KIAA0319L: variants seen among roughly 807,000 people sequenced by gnomAD.
KIAA0319L encodes dyslexia-associated protein KIAA0319-like protein.
KIAA0319L carries 55 observed loss-of-function variants against 120.1 expected under a neutral mutation model. The observed-to-expected ratio is 0.46, with a 90% CI of 0.37 to 0.57. KIAA0319L has a LOEUF of 0.57. Ranked by LOEUF, KIAA0319L falls within the 20% of genes least tolerant of loss-of-function variation. The pLI, the probability that KIAA0319L is intolerant of heterozygous loss-of-function variation, is 0.00. For synonymous variants in KIAA0319L, 398 were observed against 471.9 expected, an observed-to-expected ratio of 0.84 and a Z score of 2.03; for missense variants, 1,049 against 1,255.3, an observed-to-expected ratio of 0.84 and a Z score of 2.48.
At chr1:35,532,332 T>C (rs1372227558) in intron 2 of KIAA0319L, among the ~76,000 whole-genome samples, 1 of 152,110 alleles carries the variant, frequency 6.6e-6, no homozygotes, top group Non-Finnish European at 1.5e-5. Flanking sequence ...AAATTAAATG[T>C]TATTTAATGT....
At position 35,479,224 on chromosome 1, in the gene KIAA0319L, A is replaced by G; in HGVS notation, c.667-12T>C. ...ATCGCCTTGTGGACCTAAAGAAATA[A>G]AAAAACTAATTTGAGTAGGTAAAAG... On this transcript the variant is annotated splice_polypyrimidine_tract_variant and intron_variant, in intron 3 of 20. Coordinates refer to ENST00000325722, the MANE Select transcript of KIAA0319L (RefSeq NM_024874.5). 2.5e-6 allele frequency: 4 copies of G among 1,604,660 alleles called. No individual in the cohort carries two copies. Among genetic ancestry groups the G allele is most frequent in the Non-Finnish European group, 3.4e-6 (4 of 1,173,618 alleles).
At chr1:35,468,766 G>A (rs139399056) in intron 6 of KIAA0319L, among the ~76,000 whole-genome samples, 9 of 152,208 alleles carry the variant, frequency 5.9e-5, no homozygotes, top group African/African-American at 2.2e-4. Context: ...CATCCACACT[G>A]CCATCACCTT....
intron 3 of KIAA0319L, among the ~76,000 whole-genome samples, chr1:35,496,919 C>T (rs1570826423): frequency 1.4e-5 from 2 of 139,926 alleles, no homozygotes; most frequent in Admixed American, 7.5e-5. Context: ...TGCACTCCAG[C>T]CTGAGCAACA....
intron 3 of KIAA0319L, among the ~76,000 whole-genome samples, chr1:35,496,761 T>C (rs1644820523): frequency 6.6e-6 from 1 of 151,940 alleles, no homozygotes; most frequent in South Asian, 2.1e-4. Flanking sequence ...CTGGCCAACA[T>C]GGTGAAAACC....
At chr1:35,461,513 A>G (rs1642888436) in intron 8 of KIAA0319L, among the ~76,000 whole-genome samples, 1 of 152,244 alleles carries the variant, frequency 6.6e-6, no homozygotes, top group Non-Finnish European at 1.5e-5. Context: ...AGCATCACAC[A>G]TAACAGCACA....
At chr1:35,457,495 CAAAA>C (rs77520648) in intron 9 of KIAA0319L, among the ~76,000 whole-genome samples, 1 of 61,064 alleles carries the variant, frequency 1.6e-5, no homozygotes, top group African/African-American at 6.4e-5. Context: ...ACAGGATTTG[CAAAA>C]AAAAAAAAAA....
rs146730652 is a variant in KIAA0319L, at chr1:35,437,863, A to G, written c.2963-2782T>C. Among the ~76,000 whole-genome samples, 4 of 151,920 alleles carry G rather than the reference A, an allele frequency of 2.6e-5. No homozygotes were observed. In the South Asian group the frequency reaches 6.3e-4, roughly 24 times the overall value. On this transcript the variant is annotated intron_variant, in intron 20 of 20. Coordinates refer to ENST00000325722, the MANE Select transcript of KIAA0319L (RefSeq NM_024874.5). The surrounding 1 kb of genome is among the most constrained non-coding windows in gnomAD (Gnocchi z 4.1). ...TCTTCTGCTGAGTTCCATTTAATTC[A>G]TCTTCTCTTACCCAGTCACTGCATC... is the stretch of plus-strand genomic sequence containing the variant.
intron 2 of KIAA0319L, among the ~76,000 whole-genome samples, chr1:35,513,288 AT>A (rs67198806): frequency 0.067 from 5,630 of 84,618 alleles, 90 homozygotes; most frequent in Admixed American, 0.083. Flanking sequence ...ATATATATAT[AT>A]TTTTTTTTTT....
upstream of KIAA0319L, chr1:35,557,634 C>A (rs1648325246): frequency 1.1e-5 from 5 of 455,168 alleles, no homozygotes; most frequent in East Asian, 7.0e-5. Flanking sequence ...CGAGCCCCAG[C>A]CCCCAGACTC....
chr1:35,536,116 G>C (rs1392996025), intron 2 of KIAA0319L, among the ~76,000 whole-genome samples: 1 of 152,184 alleles, frequency 6.6e-6, no homozygotes, highest in Non-Finnish European at 1.5e-5. Flanking sequence ...GAAAAGTAAA[G>C]TTCCTGGTTC....
chr1:35,526,588 G>C (rs1025489009), intron 2 of KIAA0319L, among the ~76,000 whole-genome samples: 1 of 151,684 alleles, frequency 6.6e-6, no homozygotes, highest in Non-Finnish European at 1.5e-5. Flanking sequence ...TGGGACCACA[G>C]ATACATACCA....
At position 35,434,635 on chromosome 1, in the gene KIAA0319L, T is replaced by A; in HGVS notation, c.*259A>T. The A allele has an allele frequency of 4.9e-6, 2 of 404,154 alleles. No homozygotes were observed. The highest frequency in any genetic ancestry group is 8.8e-6 in the Non-Finnish European group (2 of 228,308). The allele number at this position is 404,154 out of a possible 1,614,324, so 25.0% of individuals were successfully genotyped here. On this transcript the variant is annotated 3_prime_UTR_variant, in exon 21 of 21. Coordinates refer to ENST00000325722, the MANE Select transcript of KIAA0319L (RefSeq NM_024874.5). ...GTCTGCCCTCGGGGGAGGGGAGGAG[T>A]TTGCAAAAAAAGGAGGCCCTGAGGT...
intron 2 of KIAA0319L, among the ~76,000 whole-genome samples, chr1:35,513,335 C>A (rs1645552164): frequency 7.6e-6 from 1 of 130,932 alleles, no homozygotes; most frequent in South Asian, 2.4e-4. Flanking sequence ...TAACCTCTGG[C>A]TGCACATGAT....
At chr1:35,519,114 G>A (rs1205653486) in intron 2 of KIAA0319L, among the ~76,000 whole-genome samples, 3 of 151,980 alleles carry the variant, frequency 2.0e-5, no homozygotes, top group Admixed American at 1.3e-4. Context: ...CCATCTGAAT[G>A]CCCTAAAATT....
chr1:35,507,114 TG>T lies in KIAA0319L; in HGVS notation c.163del (p.Gln55SerfsTer11), dbSNP rs1221156680. 6.5e-7 allele frequency: 1 copy of T among 1,530,958 alleles called. No individual in the cohort carries two copies. The highest frequency in any genetic ancestry group is 8.8e-7 in the Non-Finnish European group (1 of 1,141,958). 94.8% of individuals were successfully genotyped at this position (1,530,958 alleles called of 1,614,324 possible). On this transcript the variant is annotated frameshift_variant, in exon 3 of 21. Coordinates refer to ENST00000325722, the MANE Select transcript of KIAA0319L (RefSeq NM_024874.5). LOFTEE classifies it high-confidence loss of function. ...LSTDASESRC[Q>X]QGKTQFGVGL... ...AACTCCAAATTGTGTCTTCCCCTGC[TG>T]GCACCTGCTCTCACTGGCATCTAAA...
At chr1:35,474,751 C>G (rs1643839944) in intron 5 of KIAA0319L, 54 bp downstream of exon 5, 1 of 1,026,664 alleles carries the variant, frequency 9.7e-7, no homozygotes, top group Non-Finnish European at 1.5e-6. Flanking sequence ...CACAGCAAGA[C>G]TCCATCTCTT....
chr1:35,544,801 T>A (rs1202465215), intron 2 of KIAA0319L, among the ~76,000 whole-genome samples: 1 of 152,174 alleles, frequency 6.6e-6, no homozygotes, highest in Non-Finnish European at 1.5e-5. Context: ...CGTCCTGCCG[T>A]AAACAACTAC....
At position 35,506,659 on chromosome 1, in the gene KIAA0319L, T is replaced by G. The variant is rs1460561349; in HGVS notation, c.619A>C (p.Asn207His). The G allele has an allele frequency of 4.3e-6, 7 of 1,614,050 alleles. No homozygotes were observed. The African/African-American group carries it at 6.7e-5, about 15-fold the overall frequency. ...TPIVTQHSKV[N>H]DSNELGGLTT... ...AGACCACCTAATTCGTTGGAGTCAT[T>G]CACTTTAGAATGCTGTGTCACTATA... is the stretch of plus-strand genomic sequence containing the variant. The change falls in exon 3 of 21, where the codon AAT becomes CAT. Residue 207 changes from asparagine (N) to histidine (H), a missense_variant. By Grantham distance (68) the Asn-to-His change is moderately conservative. Transcript: ENST00000325722. This position sits in a 1 kb window ranked among gnomAD's most constrained non-coding sequence, Gnocchi z 4.0.
intron 3 of KIAA0319L, among the ~76,000 whole-genome samples, chr1:35,497,240 A>C (rs897228811): frequency 2.6e-5 from 4 of 151,536 alleles, no homozygotes; most frequent in African/African-American, 7.3e-5. Flanking sequence ...AAAAAGACAA[A>C]AAAAAAAAAG....
Sources: gnomAD v4.1 joint callset for allele counts (sites outside exome capture counted in the v4.1 genomes callset) on GRCh38, gnomAD v4.1.1 for gene constraint, Gnocchi (gnomAD v3.1) non-coding constraint, MANE v1.5 for transcripts, NCBI Gene and HGNC (gene_info 2026-07-23, HGNC 2026-07-21) for gene names.